Variants in GRID1 observed in about 807,000 individuals in gnomAD.
GRID1 encodes the protein glutamate ionotropic receptor delta type subunit 1, also known as glutamate receptor ionotropic, delta-1.
GRID1 carries 28 observed loss-of-function variants against 98.0 expected under a neutral mutation model. That is an observed-to-expected ratio of 0.29 (90% confidence interval 0.21 to 0.39). GRID1 has a LOEUF of 0.39. Ranked by LOEUF, GRID1 falls within the 10% of genes least tolerant of loss-of-function variation. The probability of loss-of-function intolerance (pLI) is 1.00; values close to 1 mark genes in which losing one functional copy is unlikely to be tolerated. For synonymous variants in GRID1, 553 were observed against 538.5 expected, an observed-to-expected ratio of 1.03 and a Z score of -0.37; for missense variants, 1,111 against 1,340.5, an observed-to-expected ratio of 0.83 and a Z score of 2.67.
chr10:85,965,594 C>T (rs1447438795), intron 4 of GRID1, among the ~76,000 whole-genome samples: 1 of 152,050 alleles, frequency 6.6e-6, no homozygotes, highest in Non-Finnish European at 1.5e-5. Context: ...ACTGAGAACA[C>T]ATGGACATAG....
chr10:86,277,623 T>C (rs2132065830), intron 2 of GRID1, among the ~76,000 whole-genome samples: 1 of 152,342 alleles, frequency 6.6e-6, no homozygotes, highest in East Asian at 1.9e-4. Context: ...GTATCAGTTC[T>C]AATTAGATTG....
intron 5 of GRID1, among the ~76,000 whole-genome samples, chr10:85,892,433 A>G (rs181078316): frequency 1.5e-3 from 229 of 152,028 alleles, no homozygotes; most frequent in African/African-American, 5.4e-3. Flanking sequence ...AAAAAATCCT[A>G]AAAGCAGCTA....
At chr10:86,034,038 T>G (rs1291841488) in intron 4 of GRID1, among the ~76,000 whole-genome samples, 3 of 152,232 alleles carry the variant, frequency 2.0e-5, no homozygotes, top group Non-Finnish European at 1.5e-5. Context: ...ACTTCAGAAT[T>G]ATAAATTAGC....
intron 4 of GRID1, among the ~76,000 whole-genome samples, chr10:86,097,573 C>A (rs895046020): frequency 1.3e-5 from 2 of 152,094 alleles, no homozygotes; most frequent in African/African-American, 4.8e-5. Context: ...ATCTATCTAT[C>A]TGTATCCTAT....
At chr10:85,737,645 G>GATATAT (rs66947723) in intron 8 of GRID1, among the ~76,000 whole-genome samples, 1,252 of 95,602 alleles carry the variant, frequency 0.013, 29 homozygotes, top group South Asian at 0.027. Flanking sequence ...AGTAAAGCCA[G>GATATAT]ATATATATAT....
chr10:86,174,023 G>A (rs1008188276), intron 3 of GRID1, among the ~76,000 whole-genome samples: 4 of 151,974 alleles, frequency 2.6e-5, no homozygotes, highest in African/African-American at 9.7e-5. Flanking sequence ...TGTGAATAGT[G>A]CCACAATAGA....
intron 2 of GRID1, among the ~76,000 whole-genome samples, chr10:86,234,701 T>C (rs1846508464): frequency 6.6e-6 from 1 of 152,164 alleles, no homozygotes; most frequent in South Asian, 2.1e-4. Context: ...TCCATAAATA[T>C]TTAGGCAGCA....
At chr10:86,234,619 C>T (rs1002330870) in intron 2 of GRID1, among the ~76,000 whole-genome samples, 1 of 152,164 alleles carries the variant, frequency 6.6e-6, no homozygotes, top group Non-Finnish European at 1.5e-5. Flanking sequence ...TGGCCCAAGC[C>T]CCCCCAGGTT....
At chr10:85,695,886 C>G (rs896674559) in intron 12 of GRID1, among the ~76,000 whole-genome samples, 3 of 152,124 alleles carry the variant, frequency 2.0e-5, no homozygotes, top group African/African-American at 7.2e-5. Context: ...AAGAGACATT[C>G]GTGGCTTCCT....
chr10:86,311,527 T>A (rs750131563), intron 2 of GRID1, among the ~76,000 whole-genome samples: 13 of 152,074 alleles, frequency 8.5e-5, no homozygotes, highest in Non-Finnish European at 1.6e-4. Context: ...GCAGGGCAAA[T>A]GCCTAGACCA....
intron 4 of GRID1, among the ~76,000 whole-genome samples, chr10:86,075,435 A>T (rs140458308): frequency 1.9e-3 from 288 of 151,852 alleles, no homozygotes; most frequent in Middle Eastern, 3.4e-3. Context: ...GCAAACCCTC[A>T]GCAGCTAGTA....
chr10:85,773,413 C>T (rs1327629209), intron 8 of GRID1, among the ~76,000 whole-genome samples: 1 of 152,302 alleles, frequency 6.6e-6, no homozygotes, highest in East Asian at 1.9e-4. Flanking sequence ...AAAACTGGCA[C>T]AAGACAGGGA....
At chr10:86,351,628 C>T (rs992010970) in intron 2 of GRID1, among the ~76,000 whole-genome samples, 1 of 152,160 alleles carries the variant, frequency 6.6e-6, no homozygotes, top group South Asian at 2.1e-4. Flanking sequence ...GTCTGATGCA[C>T]CCCCTTCTCT....
At chr10:85,944,301 C>CT (rs1842029254) in intron 4 of GRID1, among the ~76,000 whole-genome samples, 1 of 152,082 alleles carries the variant, frequency 6.6e-6, no homozygotes, top group South Asian at 2.1e-4. Context: ...ACAAAAATAG[C>CT]TAATAAACAA....
intron 8 of GRID1, among the ~76,000 whole-genome samples, chr10:85,839,539 T>A (rs1387128777): frequency 6.6e-6 from 1 of 152,054 alleles, no homozygotes; most frequent in Non-Finnish European, 1.5e-5. Context: ...TAAATAATAA[T>A]ATTAAAGCAG....
At chr10:85,642,887 T>C (rs1843140007) in intron 13 of GRID1, among the ~76,000 whole-genome samples, 1 of 152,182 alleles carries the variant, frequency 6.6e-6, no homozygotes, top group Admixed American at 6.5e-5. Flanking sequence ...GAAGTGTTTC[T>C]CTAATGACTC....
At chr10:86,101,534 T>C (rs1692077523) in intron 4 of GRID1, among the ~76,000 whole-genome samples, 5 of 152,176 alleles carry the variant, frequency 3.3e-5, no homozygotes, top group Non-Finnish European at 5.9e-5. Flanking sequence ...GTATGAGGCC[T>C]CTTGAGTGCA....
At position 86,051,078 on chromosome 10, in the gene GRID1, C is replaced by CA. The variant is rs547012473; in HGVS notation, c.726+87740dup. ...GGGCAACCAGAGTGAAACTCCGTCT[C>CA]AAAAAAAAAATGTGTATATATATAT... On this transcript the variant is annotated intron_variant, in intron 4 of 15. Coordinates refer to ENST00000327946, the MANE Select transcript of GRID1 (RefSeq NM_017551.3). Among the ~76,000 whole-genome samples, 879 of 139,638 alleles carry CA rather than the reference C, an allele frequency of 6.3e-3. 31 individuals carry two copies. Among genetic ancestry groups the CA allele is most frequent in the Admixed American group, 0.052 (726 of 14,080 alleles). 91.6% of individuals were successfully genotyped at this position (139,638 alleles called of 152,430 possible). A position where few individuals can be genotyped will look rare whatever the true frequency, so the allele number is the denominator to read the frequency against.
intron 2 of GRID1, among the ~76,000 whole-genome samples, chr10:86,211,400 C>A (rs181457851): frequency 6.6e-6 from 1 of 152,196 alleles, no homozygotes; most frequent in Non-Finnish European, 1.5e-5. Flanking sequence ...CTGTAATGAG[C>A]GGCTTCCAGC....
Sources: allele counts gnomAD v4.1 joint callset (sites outside exome capture counted in the v4.1 genomes callset), GRCh38; gene constraint gnomAD v4.1.1; transcripts MANE v1.5; gene names NCBI Gene and HGNC (gene_info 2026-07-23, HGNC 2026-07-21).